LRMDA: variants seen among roughly 807,000 people sequenced by gnomAD.
LRMDA encodes leucine rich melanocyte differentiation associated.
LRMDA carries 18 observed loss-of-function variants against 29.8 expected under a neutral mutation model. That is an observed-to-expected ratio of 0.60 (90% confidence interval 0.42 to 0.90). The LOEUF is 0.90. LRMDA is among the 40% of genes least tolerant of loss of function. The probability of loss-of-function intolerance (pLI) is 0.00; values close to 1 mark genes in which losing one functional copy is unlikely to be tolerated. For synonymous variants in LRMDA, 125 were observed against 109.4 expected (o/e 1.14, Z -0.89); for missense variants, 273 against 273.9 (o/e 1.00, Z 0.02).
intron 2 of LRMDA, among the ~76,000 whole-genome samples, chr10:75,615,715 G>C (rs946069057): frequency 6.6e-6 from 1 of 152,140 alleles, no homozygotes; most frequent in African/African-American, 2.4e-5. Flanking sequence ...TAATGAGCAA[G>C]GAACCAGGAG....
At chr10:75,740,741 G>T in intron 2 of LRMDA, among the ~76,000 whole-genome samples, 1 of 152,132 alleles carries the variant, frequency 6.6e-6, no homozygotes, top group Non-Finnish European at 1.5e-5. Context: ...AAATAGTGGT[G>T]CTTAGTAAGT....
chr10:75,571,054 A>G (rs1264349880), intron 2 of LRMDA, among the ~76,000 whole-genome samples: 3 of 152,230 alleles, frequency 2.0e-5, no homozygotes, highest in Admixed American at 2.0e-4. Flanking sequence ...GGATAGGGGC[A>G]TCTAGGAAGA....
intron 6 of LRMDA, among the ~76,000 whole-genome samples, chr10:76,377,219 T>C (rs1589157226): frequency 6.6e-6 from 1 of 152,258 alleles, no homozygotes; most frequent in East Asian, 1.9e-4. Context: ...GTTCATATCC[T>C]TTGCCTACCT....
At chr10:76,437,769 T>G (rs1160612227) in intron 6 of LRMDA, among the ~76,000 whole-genome samples, 3 of 152,176 alleles carry the variant, frequency 2.0e-5, no homozygotes, top group African/African-American at 7.2e-5. Flanking sequence ...TTGATTGAAT[T>G]TGTAACAAAC....
At chr10:75,897,214 G>C (rs1326950639) in intron 2 of LRMDA, among the ~76,000 whole-genome samples, 1 of 152,160 alleles carries the variant, frequency 6.6e-6, no homozygotes, top group South Asian at 2.1e-4. Context: ...AATGGGTAAT[G>C]GCTCTCCAAT....
intron 5 of LRMDA, among the ~76,000 whole-genome samples, chr10:76,205,477 A>G (rs981579321): frequency 3.9e-5 from 6 of 152,150 alleles, no homozygotes; most frequent in Admixed American, 2.0e-4. Flanking sequence ...AAATCCAAAG[A>G]GTTGCTCAGT....
intron 5 of LRMDA, among the ~76,000 whole-genome samples, chr10:76,166,582 T>C (rs1412826238): frequency 6.6e-6 from 1 of 152,224 alleles, no homozygotes; most frequent in Non-Finnish European, 1.5e-5. Flanking sequence ...TGGTTTTCTG[T>C]TCCTGTGTTA....
chr10:76,254,417 T>TGCTATA (rs1384185632), intron 5 of LRMDA, among the ~76,000 whole-genome samples: 4 of 151,542 alleles, frequency 2.6e-5, no homozygotes, highest in Middle Eastern at 6.8e-3. Flanking sequence ...TGCTATGCTA[T>TGCTATA]ACTATACTAT....
chr10:76,384,206 CAT>C lies in LRMDA; in HGVS notation c.601+59724_601+59725del, dbSNP rs1841632186. On this transcript the variant is annotated intron_variant, in intron 6 of 6. Coordinates refer to ENST00000611255, the MANE Select transcript of LRMDA (RefSeq NM_001305581.2). The stretch of plus-strand genomic sequence containing the variant: ...TTACAGTAAAGTTTATGTCATTTTT[CAT>C]ATTAAAAAACATGCTTGGATCAACA... 3.3e-5 allele frequency among the ~76,000 whole-genome samples: 5 copies of C among 152,236 alleles called. No individual in the cohort carries two copies. In the South Asian group the frequency reaches 1.0e-3, roughly 32 times the overall value.
rs146987348 is a variant in LRMDA at position 76,182,292 on chromosome 10, A to G, written c.516+123509A>G. 3.2e-4 allele frequency among the ~76,000 whole-genome samples: 49 copies of G among 152,252 alleles called. No homozygotes were observed. In the East Asian group the frequency reaches 9.3e-3, roughly 29 times the overall value. ...CACCAGATCTTGTGAGAACTCCCTC[A>G]CTATCATGAGAACAGTGTGAGGAAA... On this transcript the variant is annotated intron_variant, in intron 5 of 6. Coordinates refer to ENST00000611255, the MANE Select transcript of LRMDA (RefSeq NM_001305581.2).
chr10:75,988,941 C>A (rs989815471), intron 2 of LRMDA, among the ~76,000 whole-genome samples: 1 of 152,152 alleles, frequency 6.6e-6, no homozygotes, highest in Non-Finnish European at 1.5e-5. Context: ...AAAGATGTGT[C>A]CTTTGCACAG....
intron 6 of LRMDA, among the ~76,000 whole-genome samples, chr10:76,394,065 AC>A (rs1477919395): frequency 6.6e-6 from 1 of 152,224 alleles, no homozygotes; most frequent in Non-Finnish European, 1.5e-5. Flanking sequence ...AACACAGGAT[AC>A]ACCCTCTTCA....
intron 5 of LRMDA, among the ~76,000 whole-genome samples, chr10:76,199,972 AT>A (rs1312797757): frequency 6.6e-6 from 1 of 152,054 alleles, no homozygotes; most frequent in African/African-American, 2.4e-5. Context: ...TTCAAAAAAA[AT>A]TTTTTTGAGA....
intron 2 of LRMDA, among the ~76,000 whole-genome samples, chr10:75,530,897 T>C (rs1221695065): frequency 4.6e-5 from 7 of 152,238 alleles, no homozygotes; most frequent in Non-Finnish European, 1.0e-4. Flanking sequence ...CTCTGTTGTC[T>C]ATAGTTCCGG....
intron 2 of LRMDA, among the ~76,000 whole-genome samples, chr10:75,776,683 GAAGAA>G (rs1386034918): frequency 1.3e-5 from 2 of 152,344 alleles, no homozygotes; most frequent in South Asian, 4.1e-4. Flanking sequence ...GTCTTAGAGA[GAAGAA>G]AAGTTCCTAT....
intron 2 of LRMDA, among the ~76,000 whole-genome samples, chr10:75,735,316 C>A (rs980251288): frequency 6.6e-6 from 1 of 152,106 alleles, no homozygotes; most frequent in African/African-American, 2.4e-5. Flanking sequence ...TGTATAATGG[C>A]AAAATGAGAA....
At chr10:75,841,457 C>G (rs530429501) in intron 2 of LRMDA, among the ~76,000 whole-genome samples, 1 of 152,344 alleles carries the variant, frequency 6.6e-6, no homozygotes, top group East Asian at 1.9e-4. Context: ...CCACCCAAAC[C>G]TTGAGAGCCC....
intron 5 of LRMDA, among the ~76,000 whole-genome samples, chr10:76,190,643 A>C (rs1254384184): frequency 6.6e-6 from 1 of 152,310 alleles, no homozygotes; most frequent in East Asian, 1.9e-4. Flanking sequence ...ATCTCTTTTC[A>C]TCAGATCTGA....
At chr10:75,599,094 G>A (rs966545448) in intron 2 of LRMDA, among the ~76,000 whole-genome samples, 3 of 152,122 alleles carry the variant, frequency 2.0e-5, no homozygotes, top group African/African-American at 7.2e-5. Flanking sequence ...TCAGCACCAA[G>A]AGGTAAAAAA....
Sources: gnomAD v4.1 joint callset for allele counts (sites outside exome capture counted in the v4.1 genomes callset) on GRCh38, gnomAD v4.1.1 for gene constraint, MANE v1.5 for transcripts, NCBI Gene and HGNC (gene_info 2026-07-23, HGNC 2026-07-21) for gene names.